Variants in TENM2 observed in about 807,000 individuals in gnomAD.
TENM2 encodes teneurin-2.
TENM2 carries 52 observed loss-of-function variants against 245.2 expected under a neutral mutation model. That is an observed-to-expected ratio of 0.21 (90% CI 0.17 to 0.27). The LOEUF (loss-of-function observed/expected upper bound fraction) is 0.27, where lower values mean the gene tolerates loss of function less well. Among genes scored for constraint, TENM2 ranks in the 10% least tolerant of loss-of-function variants. The pLI is 1.00. For missense variants in TENM2, 3,046 were observed against 3,666.8 expected, an observed-to-expected ratio of 0.83 and a Z score of 4.37; for synonymous variants, 1,363 against 1,438.9, an observed-to-expected ratio of 0.95 and a Z score of 1.19.
intron 2 of TENM2, among the ~76,000 whole-genome samples, chr5:167,657,508 G>A (rs1385295626): frequency 2.0e-5 from 3 of 152,166 alleles, no homozygotes; most frequent in African/African-American, 7.2e-5. Context: ...CCAGTAGTGG[G>A]ATTGCTGGAT....
chr5:167,623,117 T>G (rs1363291340), intron 2 of TENM2, among the ~76,000 whole-genome samples: 1 of 152,196 alleles, frequency 6.6e-6, no homozygotes, highest in Non-Finnish European at 1.5e-5. Flanking sequence ...TATTTGCTTT[T>G]TAGGCTCTTA....
chr5:167,386,002 C>G (rs1167800940), intron 2 of TENM2, among the ~76,000 whole-genome samples: 1 of 151,740 alleles, frequency 6.6e-6, no homozygotes. Flanking sequence ...GTGCAAGTAT[C>G]TTTTTCATAT....
At chr5:167,783,259 G>A (rs1238073885) in intron 2 of TENM2, among the ~76,000 whole-genome samples, 2 of 151,398 alleles carry the variant, frequency 1.3e-5, no homozygotes, top group Non-Finnish European at 2.9e-5. Context: ...GCACACACCG[G>A]GTTCAGCCCA....
chr5:167,407,943 A>G (rs1762719105), intron 2 of TENM2, among the ~76,000 whole-genome samples: 1 of 152,204 alleles, frequency 6.6e-6, no homozygotes, highest in Admixed American at 6.5e-5. Context: ...TTAAGGGACT[A>G]AAAATGAAAA....
At chr5:167,836,891 C>T (rs1483466692) in intron 2 of TENM2, among the ~76,000 whole-genome samples, 1 of 152,100 alleles carries the variant, frequency 6.6e-6, no homozygotes, top group Non-Finnish European at 1.5e-5. Flanking sequence ...TTTGATCATG[C>T]TCGGTTTTCT....
chr5:167,985,552 G>T (rs1391643848), intron 4 of TENM2, among the ~76,000 whole-genome samples: 1 of 152,224 alleles, frequency 6.6e-6, no homozygotes, highest in Non-Finnish European at 1.5e-5. Flanking sequence ...GTCCTGGTTA[G>T]CTGAGTGGTA....
the TENM2 span, among the ~76,000 whole-genome samples, chr5:167,021,513 C>G: frequency 6.6e-6 from 1 of 152,192 alleles, no homozygotes; most frequent in African/African-American, 2.4e-5. Context: ...CTCTCACCTT[C>G]GTGTTGTAGT....
intron 2 of TENM2, among the ~76,000 whole-genome samples, chr5:167,430,785 T>C (rs1199164740): frequency 6.6e-6 from 1 of 152,212 alleles, no homozygotes; most frequent in Non-Finnish European, 1.5e-5. Context: ...AAGTTTCTTC[T>C]AATAACAACA....
intron 25 of TENM2, chr5:168,231,042 G>C (rs1295238356): frequency 6.6e-6 from 1 of 152,254 alleles, no homozygotes. Context: ...CTTAAGCACA[G>C]GCTCTGTGCA....
At chr5:167,309,380 T>A (rs918379113) in intron 1 of TENM2, among the ~76,000 whole-genome samples, 4 of 152,208 alleles carry the variant, frequency 2.6e-5, no homozygotes, top group African/African-American at 9.7e-5. Context: ...AAACTTATTG[T>A]ACATTGAGAA....
chr5:166,979,863 C>G, the TENM2 span, among the ~76,000 whole-genome samples: 17 of 152,038 alleles, frequency 1.1e-4, no homozygotes, highest in African/African-American at 3.9e-4. Flanking sequence ...ATGTTCATCG[C>G]AATTATAGGG....
intron 2 of TENM2, among the ~76,000 whole-genome samples, chr5:167,684,469 G>A (rs1270981130): frequency 6.6e-6 from 1 of 152,196 alleles, no homozygotes; most frequent in Non-Finnish European, 1.5e-5. Flanking sequence ...AGTACGTGGG[G>A]AGAATGAGTC....
At position 168,040,323 on chromosome 5, in the gene TENM2, C is replaced by T. The variant is rs141170916; in HGVS notation, c.1187-7104C>T. Among the ~76,000 whole-genome samples the T allele has an allele frequency of 1.6e-3, 238 of 152,266 alleles. 1 individual carries two copies. Among genetic ancestry groups the T allele is most frequent in the African/African-American group, 5.3e-3 (220 of 41,562 alleles). On this transcript the variant is annotated intron_variant, in intron 5 of 28. Coordinates refer to ENST00000518659, the Ensembl canonical transcript of TENM2. Reference sequence around the variant, plus strand: ...CCCTCTCATTTTGATGATCTTGCCACGATTCTGGGATTGTATCTGCCTCTC... The same window carrying T: ...CCCTCTCATTTTGATGATCTTGCCATGATTCTGGGATTGTATCTGCCTCTC...
rs115301796 is a variant in TENM2 at position 167,628,501 on chromosome 5, A to G, written c.503-247485A>G. Among the ~76,000 whole-genome samples the G allele has an allele frequency of 3.5e-3, 537 of 152,164 alleles. 4 individuals carry two copies. Among genetic ancestry groups the G allele is most frequent in the Non-Finnish European group, 6.5e-3 (440 of 68,006 alleles). On this transcript the variant is annotated intron_variant, in intron 2 of 28. Coordinates refer to ENST00000518659, the Ensembl canonical transcript of TENM2. ...ATGATCAGGGATTTCTCTTACTGTGATAGTGTTCTACCTCCTAAAACTATA... is the reference window on the plus strand; with the variant it reads ...ATGATCAGGGATTTCTCTTACTGTGGTAGTGTTCTACCTCCTAAAACTATA...
intron 12 of TENM2, among the ~76,000 whole-genome samples, chr5:168,160,272 T>A (rs1382792401): frequency 2.0e-5 from 3 of 152,162 alleles, no homozygotes; most frequent in African/African-American, 7.2e-5. Context: ...TTGTGGCATT[T>A]CTCTGCAACT....
At chr5:167,588,362 C>T (rs186978064) in intron 2 of TENM2, among the ~76,000 whole-genome samples, 74 of 152,248 alleles carry the variant, frequency 4.9e-4, no homozygotes, top group African/African-American at 1.4e-3. Flanking sequence ...TCACATTTCT[C>T]CTTAATTTGA....
At chr5:167,776,011 C>T (rs1763738883) in intron 2 of TENM2, among the ~76,000 whole-genome samples, 1 of 151,938 alleles carries the variant, frequency 6.6e-6, no homozygotes, top group East Asian at 1.9e-4. Flanking sequence ...TTAAATATGA[C>T]ATCTACAATT....
chr5:168,087,799 G>T (rs1169540391), intron 7 of TENM2, among the ~76,000 whole-genome samples: 1 of 152,004 alleles, frequency 6.6e-6, no homozygotes, highest in African/African-American at 2.4e-5. Context: ...TCATTTTAGG[G>T]GGTAATAAGT....
intron 5 of TENM2, among the ~76,000 whole-genome samples, chr5:168,036,921 T>G (rs903351055): frequency 2.6e-5 from 4 of 151,842 alleles, no homozygotes; most frequent in Non-Finnish European, 5.9e-5. Flanking sequence ...CACCCCAGAT[T>G]AGCTCTTTCC....
Sources: gnomAD v4.1 joint callset for allele counts (sites outside exome capture counted in the v4.1 genomes callset) on GRCh38, gnomAD v4.1.1 for gene constraint, MANE v1.5 for transcripts, NCBI Gene and HGNC (gene_info 2026-07-23, HGNC 2026-07-21) for gene names.